Variants in KRT7 observed in about 807,000 individuals in gnomAD.
KRT7 encodes the protein keratin, type II cytoskeletal 7.
A neutral mutation model predicts 42.8 loss-of-function variants in KRT7; 50 were observed. That is an observed-to-expected ratio of 1.17 (90% CI 0.93 to 1.48). KRT7 has a LOEUF of 1.48. Ranked by LOEUF, KRT7 falls within the 40% of genes most tolerant of loss-of-function variation. The pLI is 0.00. For missense variants in KRT7, 588 were observed against 637.6 expected (o/e 0.92, Z 0.84); for synonymous variants, 268 against 266.3 (o/e 1.01, Z -0.06).
intron 3 of KRT7, among the ~76,000 whole-genome samples, chr12:52,237,869 G>A (rs1942033657): frequency 6.6e-6 from 1 of 152,178 alleles, no homozygotes; most frequent in Non-Finnish European, 1.5e-5. Context: ...CTCTATTCAA[G>A]CCAGAACATT....
chr12:52,243,384 G>T, intron 6 of KRT7: 1 of 476,688 alleles, frequency 2.1e-6, no homozygotes, highest in Non-Finnish European at 3.7e-6. Flanking sequence ...CTGGCCAGAA[G>T]AAAGCCACCA....
chr12:52,254,019 G>C (rs2286996), downstream of KRT7, among the ~76,000 whole-genome samples: 5,285 of 152,188 alleles, frequency 0.035, 111 homozygotes, highest in South Asian at 0.12. Context: ...GGACCTTCCA[G>C]CTTGAACCTT....
rs887526354 is a variant in KRT7 at position 52,245,397 on chromosome 12, C to T, written c.985-15C>T. The T allele has an allele frequency of 1.9e-6, 3 of 1,612,284 alleles. No homozygotes were observed. The highest frequency in any genetic ancestry group is 1.7e-5 in the Admixed American group (1 of 59,844). On this transcript the variant is annotated splice_polypyrimidine_tract_variant and intron_variant, in intron 6 of 8. Transcript: ENST00000331817. ...ACTGGTGAGCCCCAGCTTACAGCTG[C>T]ACTGCTGCCCACAGCGTGCCAAGTT...
chr12:52,234,481 C>A (rs1941981126), intron 1 of KRT7, among the ~76,000 whole-genome samples: 1 of 152,160 alleles, frequency 6.6e-6, no homozygotes, highest in Non-Finnish European at 1.5e-5. Flanking sequence ...GTTCTCCTTT[C>A]CTTCGCCATT....
In KRT7 at chr12:52,241,520, T is replaced by C; in HGVS notation, c.742T>C (p.Ser248Pro). ...SQISDTSVVLSMDNSRSLDLD... is the reference protein window; with the variant it reads ...SQISDTSVVLPMDNSRSLDLD... The stretch of plus-strand genomic sequence containing the variant: ...GATCTCCGACACATCTGTGGTGCTG[T>C]CCATGGACAACAGTCGCTCCCTGGA... The change falls in exon 5 of 9, where the codon TCC becomes CCC. Residue 248 changes from serine (S) to proline (P), a missense_variant. Physicochemically the swap from Ser to Pro is moderately conservative, Grantham distance 74 (BLOSUM62 -1). Transcript: ENST00000331817. The C allele has an allele frequency of 1.9e-6, 3 of 1,613,946 alleles. No homozygotes were observed. The highest frequency in any genetic ancestry group is 2.5e-6 in the Non-Finnish European group (3 of 1,179,888).
downstream of KRT7, chr12:52,252,086 T>C (rs1942273591): frequency 3.5e-6 from 3 of 849,710 alleles, no homozygotes; most frequent in Non-Finnish European, 5.8e-6. Context: ...GAGACAGAAA[T>C]TAGTTGTGGG....
chr12:52,239,123 A>G (rs1393942822), intron 4 of KRT7, among the ~76,000 whole-genome samples: 1 of 152,054 alleles, frequency 6.6e-6, no homozygotes, highest in Non-Finnish European at 1.5e-5. Context: ...TTGGGGCTTT[A>G]GGTGTTTTTT....
chr12:52,236,949 G>T (rs1011296048), intron 2 of KRT7, among the ~76,000 whole-genome samples: 2 of 152,126 alleles, frequency 1.3e-5, no homozygotes, highest in Non-Finnish European at 2.9e-5. Flanking sequence ...ATTCTACAGG[G>T]TTCCTCCCCT....
At chr12:52,254,396 C>T (rs1226398864), downstream of KRT7, 1 of 676,992 alleles carries the variant, frequency 1.5e-6, no homozygotes, top group African/African-American at 1.8e-5. Flanking sequence ...AGGAATTGCA[C>T]TGGGAGACAA....
At chr12:52,244,740 G>T (rs939467111) in intron 6 of KRT7, 7 of 706,104 alleles carry the variant, frequency 9.9e-6, no homozygotes, top group African/African-American at 3.9e-5. Context: ...GCACTCTAAG[G>T]CCAGGGAGAA....
Position 52,237,575 on chromosome 12 carries a change from T to A in KRT7, c.597+6T>A. On this transcript the variant is annotated splice_donor_region_variant and intron_variant, in intron 3 of 8. Coordinates refer to ENST00000331817, the MANE Select transcript of KRT7 (RefSeq NM_005556.4). ...AGTTTGTGGTGCTGAAGAAGGTGAG[T>A]GGGAAAGACAGGCTCGAGGAGGGTT... The A allele has an allele frequency of 6.2e-7, 1 of 1,603,314 alleles. No individual in the cohort carries two copies. The highest frequency in any genetic ancestry group is 2.3e-5 in the East Asian group (1 of 44,346).
downstream of KRT7, chr12:52,252,430 C>T (rs775700588): frequency 3.7e-6 from 6 of 1,614,176 alleles, no homozygotes; most frequent in Non-Finnish European, 4.2e-6. Context: ...TCACTGAGGG[C>T]CGCCTCACCC....
Position 52,248,812 on chromosome 12 carries a change from A to G in KRT7, c.*52A>G. ...AGCCACCACCCACAATCACAAGAAG[A>G]TTCCCACCCCTGCCTCCCATGCCTG... On this transcript the variant is annotated 3_prime_UTR_variant, in exon 9 of 9. Transcript: ENST00000331817. 6.8e-7 allele frequency: 1 copy of G among 1,465,172 alleles called. No homozygotes were observed. Among genetic ancestry groups the G allele is most frequent in the Non-Finnish European group, 9.0e-7 (1 of 1,106,618 alleles). The allele number at this position is 1,465,172 out of a possible 1,614,324, so 90.8% of individuals were successfully genotyped here. A position where few individuals can be genotyped will look rare whatever the true frequency, so the allele number is the denominator to read the frequency against.
At chr12:52,237,772 T>C in intron 3 of KRT7, 1 of 400,032 alleles carries the variant, frequency 2.5e-6, no homozygotes. Flanking sequence ...GGTGACTGAT[T>C]AGACTCATTT....
downstream of KRT7, chr12:52,253,416 T>C: frequency 1.3e-6 from 2 of 1,577,706 alleles, no homozygotes; most frequent in Non-Finnish European, 1.7e-6. Context: ...ATTGTGCAGG[T>C]TGTGCAGTGC....
At chr12:52,237,373 G>A in intron 2 of KRT7, 136 bp from the exon 3 acceptor site, 1 of 581,272 alleles carries the variant, frequency 1.7e-6, no homozygotes, top group East Asian at 3.0e-5. Context: ...TTTTGTAGCT[G>A]ACACCTGTTT....
downstream of KRT7, chr12:52,253,150 T>G: frequency 6.7e-7 from 1 of 1,491,638 alleles, no homozygotes; most frequent in Non-Finnish European, 9.4e-7. Context: ...CTAACCCAAA[T>G]CCCTCTCCTG....
intron 1 of KRT7, among the ~76,000 whole-genome samples, chr12:52,234,402 T>G (rs904813613): frequency 6.6e-6 from 1 of 152,258 alleles, no homozygotes; most frequent in Non-Finnish European, 1.5e-5. Context: ...CTGGCCCTGC[T>G]GGGCTGTTCT....
At chr12:52,239,306 T>C (rs1942052820) in intron 4 of KRT7, among the ~76,000 whole-genome samples, 1 of 152,176 alleles carries the variant, frequency 6.6e-6, no homozygotes, top group Non-Finnish European at 1.5e-5. Context: ...CTAAACTTCT[T>C]TGGTTCAGGT....
Sources: allele counts gnomAD v4.1 joint callset (sites outside exome capture counted in the v4.1 genomes callset), GRCh38; gene constraint gnomAD v4.1.1; transcripts MANE v1.5; gene names NCBI Gene and HGNC (gene_info 2026-07-23, HGNC 2026-07-21).